ARHGEF12: variants seen among roughly 807,000 people sequenced by gnomAD.
ARHGEF12 encodes the protein Rho guanine nucleotide exchange factor 12.
Under a neutral mutation model 211.2 loss-of-function variants are expected in ARHGEF12, and 66 were observed. The observed-to-expected ratio is 0.31, with a 90% CI of 0.26 to 0.38. ARHGEF12 has a LOEUF of 0.38. Ranked by LOEUF, ARHGEF12 falls within the 10% of genes least tolerant of loss-of-function variation. ARHGEF12 has a pLI of 1.00. For synonymous variants in ARHGEF12, 592 were observed against 638.4 expected, an observed-to-expected ratio of 0.93 and a Z score of 1.09; for missense variants, 1,429 against 1,869.5, an observed-to-expected ratio of 0.76 and a Z score of 4.34.
chr11:120,460,879 G>A, intron 27 of ARHGEF12, 122 bp downstream of exon 27: 1 of 840,710 alleles, frequency 1.2e-6, no homozygotes, highest in South Asian at 1.6e-5. Context: ...ATGCAAAGCT[G>A]AGAAAGGTCA....
At position 120,483,647 on chromosome 11, in the gene ARHGEF12, C is replaced by T. The variant is rs543346178; in HGVS notation, c.4555-791C>T. Among the ~76,000 whole-genome samples, 11 of 151,406 alleles carry T rather than the reference C, an allele frequency of 7.3e-5. 1 individual carries two copies. Among genetic ancestry groups the T allele is most frequent in the Middle Eastern group, 6.4e-3 (2 of 312 alleles). ...TTATATTTTTTGAGACAGAGTCTTG[C>T]TCTGTCGCCCAGGCTGGAGTGCAGT... On this transcript the variant is annotated intron_variant, in intron 39 of 40. Transcript: ENST00000397843.
At chr11:120,420,945 A>G (rs985681497) in intron 5 of ARHGEF12, 94 bp downstream of exon 5, 6 of 1,086,644 alleles carry the variant, frequency 5.5e-6, no homozygotes, top group African/African-American at 3.1e-5. Flanking sequence ...GAATAATTAC[A>G]TAGATTGCAG....
chr11:120,435,676 G>A (rs1478294695), intron 11 of ARHGEF12, among the ~76,000 whole-genome samples: 6 of 151,632 alleles, frequency 4.0e-5, no homozygotes, highest in South Asian at 2.1e-4. Flanking sequence ...TACCATGCCC[G>A]GCTAATTTTT....
At chr11:120,390,143 C>T (rs536178136) in intron 1 of ARHGEF12, among the ~76,000 whole-genome samples, 1 of 152,242 alleles carries the variant, frequency 6.6e-6, no homozygotes, top group East Asian at 1.9e-4. Context: ...AGTGCCTTTC[C>T]AATCAAAGGA....
chr11:120,337,787 C>T (rs1288115008), intron 1 of ARHGEF12: 2 of 985,258 alleles, frequency 2.0e-6, no homozygotes, highest in South Asian at 9.4e-5. Flanking sequence ...TAATTATTAT[C>T]TAATAACTTT....
At chr11:120,474,147 T>C (rs1220225486) in intron 31 of ARHGEF12, among the ~76,000 whole-genome samples, 1 of 152,204 alleles carries the variant, frequency 6.6e-6, no homozygotes, top group Non-Finnish European at 1.5e-5. Context: ...CTTAGAACTT[T>C]CTTTGAAATT....
intron 1 of ARHGEF12, among the ~76,000 whole-genome samples, chr11:120,346,158 T>C (rs1465858051): frequency 6.6e-6 from 1 of 152,242 alleles, no homozygotes; most frequent in East Asian, 1.9e-4. Context: ...TATACCAGCC[T>C]ATAATTTTAT....
intron 1 of ARHGEF12, among the ~76,000 whole-genome samples, chr11:120,381,294 T>G (rs1200753857): frequency 2.0e-5 from 3 of 152,170 alleles, no homozygotes; most frequent in Non-Finnish European, 2.9e-5. Flanking sequence ...TTATAATCCA[T>G]TACCACAAGG....
chr11:120,452,497 A>G lies in ARHGEF12; in HGVS notation c.2056+773A>G, dbSNP rs80310243. Among the ~76,000 whole-genome samples, 1,794 of 152,268 alleles carry G rather than the reference A, an allele frequency of 0.012. 105 individuals are homozygous for G. In the South Asian group the frequency reaches 0.16, roughly 14 times the overall value. ...GGTGCCATAGAGGAGGCTACTAGGG[A>G]TGAAGACGGCAAGGAACCAAGAAGC... On this transcript the variant is annotated intron_variant, in intron 22 of 40. Coordinates refer to ENST00000397843, the MANE Select transcript of ARHGEF12 (RefSeq NM_015313.3).
intron 11 of ARHGEF12, among the ~76,000 whole-genome samples, chr11:120,436,092 A>G (rs555997179): frequency 9.9e-4 from 151 of 152,188 alleles, no homozygotes; most frequent in African/African-American, 3.4e-3. Context: ...CAAAGGTGAC[A>G]AGTGGGAAGG....
chr11:120,400,002 G>GTC (rs1944511255), intron 1 of ARHGEF12, among the ~76,000 whole-genome samples: 1 of 152,122 alleles, frequency 6.6e-6, no homozygotes, highest in African/African-American at 2.4e-5. Context: ...GTTGGAGCCT[G>GTC]TCTCAACGAC....
At chr11:120,396,229 G>A (rs1013043117) in intron 1 of ARHGEF12, among the ~76,000 whole-genome samples, 2 of 152,134 alleles carry the variant, frequency 1.3e-5, no homozygotes, top group Admixed American at 6.5e-5. Flanking sequence ...AGCCCATACT[G>A]ATAAAAATGA....
chr11:120,424,336 C>T (rs775813990), intron 6 of ARHGEF12, 22 bp from the exon 7 acceptor site: 1 of 1,596,502 alleles, frequency 6.3e-7, no homozygotes, highest in Non-Finnish European at 8.6e-7. Context: ...ATCTGACATA[C>T]ACTACTTTCG....
intron 22 of ARHGEF12, among the ~76,000 whole-genome samples, chr11:120,454,194 T>G (rs1946293292): frequency 1.3e-5 from 2 of 152,216 alleles, no homozygotes; most frequent in African/African-American, 4.8e-5. Flanking sequence ...CCAAGTCAGC[T>G]ACTCACTTTC....
intron 1 of ARHGEF12, among the ~76,000 whole-genome samples, chr11:120,352,311 A>T (rs747203765): frequency 6.6e-6 from 1 of 152,150 alleles, no homozygotes; most frequent in Admixed American, 6.5e-5. Flanking sequence ...CTTATAGATC[A>T]TTTTCCATCA....
At chr11:120,465,624 G>A (rs1319463785) in intron 28 of ARHGEF12, among the ~76,000 whole-genome samples, 2 of 152,034 alleles carry the variant, frequency 1.3e-5, no homozygotes, top group Admixed American at 6.6e-5. Context: ...ATGCTACCAC[G>A]CCCTGCTAAT....
At chr11:120,407,947 C>A in intron 3 of ARHGEF12, 124 bp downstream of exon 3, 1 of 733,042 alleles carries the variant, frequency 1.4e-6, no homozygotes, top group African/African-American at 1.8e-5. Context: ...CACATTCCTC[C>A]AATTATATCA....
chr11:120,440,874 G>T (rs1945849144), intron 13 of ARHGEF12, among the ~76,000 whole-genome samples: 1 of 152,026 alleles, frequency 6.6e-6, no homozygotes, highest in South Asian at 2.1e-4. Flanking sequence ...ATTAGGTTAA[G>T]GAATACTCCT....
intron 1 of ARHGEF12, among the ~76,000 whole-genome samples, chr11:120,357,542 A>G (rs147976070): frequency 9.8e-4 from 149 of 152,292 alleles, no homozygotes; most frequent in African/African-American, 3.3e-3. Context: ...TGGACAGGTA[A>G]GGGATAGAGG....
Sources: allele counts gnomAD v4.1 joint callset (sites outside exome capture counted in the v4.1 genomes callset), GRCh38; gene constraint gnomAD v4.1.1; transcripts MANE v1.5; gene names NCBI Gene and HGNC (gene_info 2026-07-23, HGNC 2026-07-21).